INTS4: variants seen among roughly 807,000 people sequenced by gnomAD.
The protein encoded by INTS4 is integrator complex subunit 4.
In INTS4, 70 loss-of-function variants were observed where a neutral mutation model predicts 119.5. The observed-to-expected ratio is 0.59, with a 90% CI of 0.48 to 0.71. The LOEUF is 0.71. INTS4 is among the 30% of genes least tolerant of loss of function. INTS4 has a pLI of 0.00. For synonymous variants in INTS4, 316 were observed against 419.6 expected (o/e 0.75, Z 3.02); for missense variants, 867 against 1,173.2 (o/e 0.74, Z 3.81).
intron 12 of INTS4, among the ~76,000 whole-genome samples, chr11:77,924,011 C>T (rs147194775): frequency 6.0e-5 from 9 of 150,176 alleles, no homozygotes; most frequent in African/African-American, 1.2e-4. Flanking sequence ...GTGATCCACC[C>T]GCCCCAGCCT....
At chr11:77,942,731 T>C (rs1002184849) in intron 8 of INTS4, among the ~76,000 whole-genome samples, 19 of 152,192 alleles carry the variant, frequency 1.2e-4, no homozygotes, top group Admixed American at 1.2e-3. Flanking sequence ...TCAGAGGCTG[T>C]TGGAGCAGGT....
Position 77,981,520 on chromosome 11 carries a change from C to A in INTS4, c.303G>T (p.Lys101Asn), listed in dbSNP as rs367956857. 10 of 1,585,218 alleles carry A rather than the reference C, an allele frequency of 6.3e-6. No homozygotes were observed. Among genetic ancestry groups the A allele is most frequent in the Non-Finnish European group, 4.3e-6 (5 of 1,164,708 alleles). The change falls in exon 3 of 23, where the codon AAG becomes AAT. Residue 101 changes from lysine to asparagine, a missense_variant. Around this residue, in one of 5 missense-constraint regions of INTS4, gnomAD observed 224 missense variants for 231.8 expected, o/e 0.97. Coordinates refer to ENST00000534064, the MANE Select transcript of INTS4 (RefSeq NM_033547.4). ...TGCAGTCTGGTGAAAATCCTGCTGT[C>A]TTTGATAATAAACCCAACAATGATG... ...KIASLLGLLSKTAGFSPDCIM... is the reference protein window; with the variant it reads ...KIASLLGLLSNTAGFSPDCIM...
chr11:77,939,495 T>C (rs1953878052), intron 9 of INTS4, among the ~76,000 whole-genome samples: 1 of 151,736 alleles, frequency 6.6e-6, no homozygotes, highest in Non-Finnish European at 1.5e-5. Flanking sequence ...TTTGGCAACA[T>C]TGCGTTCTAT....
chr11:77,918,086 A>AT (rs60400274), intron 15 of INTS4: 498,550 of 701,942 alleles, frequency 0.71, 179,877 homozygotes, highest in African/African-American at 0.89. Flanking sequence ...GCACAGTTAG[A>AT]TCTGAATTGT....
intron 21 of INTS4, among the ~76,000 whole-genome samples, chr11:77,885,690 G>A (rs559694482): frequency 7.2e-5 from 11 of 152,096 alleles, no homozygotes; most frequent in South Asian, 2.1e-4. Flanking sequence ...ATGGTGGCGT[G>A]TGCCTGTAGT....
chr11:77,896,520 C>T (rs781212963), intron 18 of INTS4, among the ~76,000 whole-genome samples: 22 of 151,982 alleles, frequency 1.4e-4, no homozygotes, highest in African/African-American at 4.6e-4. Context: ...GGTACAGTGG[C>T]GCATGCCTGT....
chr11:77,929,292 A>C (rs1159091706), intron 10 of INTS4, among the ~76,000 whole-genome samples: 1 of 151,956 alleles, frequency 6.6e-6, no homozygotes, highest in Non-Finnish European at 1.5e-5. Flanking sequence ...TCATTCTATA[A>C]ACTCTCCCTG....
intron 4 of INTS4, among the ~76,000 whole-genome samples, chr11:77,963,099 G>T (rs1855317868): frequency 6.6e-6 from 1 of 151,994 alleles, no homozygotes; most frequent in South Asian, 2.1e-4. Flanking sequence ...CTAAACTGTT[G>T]ATTGCACCTC....
At chr11:77,950,769 C>T (rs540798393) in intron 8 of INTS4, among the ~76,000 whole-genome samples, 192 of 152,142 alleles carry the variant, frequency 1.3e-3, no homozygotes, top group African/African-American at 4.2e-3. Context: ...ATGTGCACAA[C>T]GTGCAGGTTA....
chr11:77,877,968 CCT>C (rs1032396484), downstream of INTS4, among the ~76,000 whole-genome samples: 16 of 152,100 alleles, frequency 1.1e-4, no homozygotes, highest in African/African-American at 2.4e-4. Context: ...GCACTGGACC[CCT>C]GTTTCCCATA....
intron 18 of INTS4, among the ~76,000 whole-genome samples, chr11:77,900,287 G>C (rs1456148012): frequency 6.6e-6 from 1 of 152,008 alleles, no homozygotes; most frequent in Non-Finnish European, 1.5e-5. Context: ...TTTTAGTAGA[G>C]ACAGGGTTTC....
intron 4 of INTS4, among the ~76,000 whole-genome samples, chr11:77,963,021 C>T (rs550082740): frequency 4.5e-4 from 69 of 151,898 alleles, no homozygotes; most frequent in Non-Finnish European, 8.7e-4. Context: ...TCAAACCGCG[C>T]CCCCTAAAAT....
intron 6 of INTS4, among the ~76,000 whole-genome samples, chr11:77,959,765 C>T (rs1256244627): frequency 6.6e-6 from 1 of 152,112 alleles, no homozygotes; most frequent in East Asian, 1.9e-4. Flanking sequence ...GGCAGGCTAA[C>T]AAAACCTAAT....
At chr11:77,949,010 G>A (rs147877088) in intron 8 of INTS4, among the ~76,000 whole-genome samples, 114 of 152,186 alleles carry the variant, frequency 7.5e-4, no homozygotes, top group Admixed American at 1.6e-3. Context: ...CGACAGTTTC[G>A]CTGTTATCCA....
chr11:77,908,965 T>C (rs181950492), intron 15 of INTS4, among the ~76,000 whole-genome samples: 59 of 152,364 alleles, frequency 3.9e-4, no homozygotes, highest in Non-Finnish European at 6.3e-4. Context: ...CAATTCCAAG[T>C]AGTATCTGAT....
chr11:77,908,330 C>CTT (rs762416286), intron 15 of INTS4, among the ~76,000 whole-genome samples: 4 of 139,652 alleles, frequency 2.9e-5, no homozygotes, highest in Admixed American at 7.2e-5. Flanking sequence ...CTGCATCCAT[C>CTT]TTTTTTTTTT....
At chr11:77,897,845 G>C (rs1252678843) in intron 18 of INTS4, among the ~76,000 whole-genome samples, 1 of 151,794 alleles carries the variant, frequency 6.6e-6, no homozygotes, top group African/African-American at 2.4e-5. Context: ...GTCTTGTTCT[G>C]TTGCCCAAGT....
chr11:77,978,943 G>T, intron 4 of INTS4, 53 bp downstream of exon 4: 2 of 1,108,670 alleles, frequency 1.8e-6, no homozygotes, highest in Non-Finnish European at 2.8e-6. Context: ...ATGGTCCTTA[G>T]CAGTCCTCAG....
At chr11:77,963,447 G>T (rs751879673) in intron 4 of INTS4, 10 of 431,728 alleles carry the variant, frequency 2.3e-5, no homozygotes, top group South Asian at 1.6e-4. Context: ...AGTGTCTGCA[G>T]ATGCTATTTG....
Sources: allele counts gnomAD v4.1 joint callset (sites outside exome capture counted in the v4.1 genomes callset), GRCh38; gene constraint gnomAD v4.1.1; regional missense constraint gnomAD v4.1.1; transcripts MANE v1.5; gene names NCBI Gene and HGNC (gene_info 2026-07-23, HGNC 2026-07-21).